The following B3GALNT2 variants were observed in gnomAD, a reference collection of about 807,000 sequenced individuals.
B3GALNT2 encodes the protein UDP-GalNAc:beta-1,3-N-acetylgalactosaminyltransferase 2.
Under a neutral mutation model 61.1 loss-of-function variants are expected in B3GALNT2, and 53 were observed. That is an observed-to-expected ratio of 0.87 (90% CI 0.70 to 1.09). The LOEUF (loss-of-function observed/expected upper bound fraction) is 1.09, where lower values mean the gene tolerates loss of function less well. B3GALNT2 is among the 50% of genes least tolerant of loss of function. The pLI is 0.00. For synonymous variants in B3GALNT2, 223 were observed against 237.4 expected, an observed-to-expected ratio of 0.94 and a Z score of 0.56; for missense variants, 544 against 623.0, an observed-to-expected ratio of 0.87 and a Z score of 1.35.
chr1:235,445,253 C>G (rs1193803078), downstream of B3GALNT2, among the ~76,000 whole-genome samples: 1 of 152,172 alleles, frequency 6.6e-6, no homozygotes, highest in African/African-American at 2.4e-5. Flanking sequence ...CACTCACTCA[C>G]TCATACAAAG....
chr1:235,442,271 A>C (rs1303291322), downstream of B3GALNT2, among the ~76,000 whole-genome samples: 1 of 152,156 alleles, frequency 6.6e-6, no homozygotes, highest in Non-Finnish European at 1.5e-5. Context: ...CCCGGGTTCA[A>C]GCGATTTTCG....
intron 7 of B3GALNT2, chr1:235,464,942 T>A (rs1410556008): frequency 6.6e-6 from 1 of 152,168 alleles, no homozygotes; most frequent in Admixed American, 6.5e-5. Context: ...TTGACAAGAA[T>A]ATGGAGAAAC....
intron 4 of B3GALNT2, among the ~76,000 whole-genome samples, chr1:235,483,057 GAAAC>G (rs1558432285): frequency 1.3e-5 from 2 of 152,000 alleles, no homozygotes. Context: ...TAGAGAAATA[GAAAC>G]AGTAAAAAAG....
At chr1:235,501,521 C>T (rs143116573) in intron 1 of B3GALNT2, among the ~76,000 whole-genome samples, 55 of 152,290 alleles carry the variant, frequency 3.6e-4, no homozygotes, top group African/African-American at 1.3e-3. Flanking sequence ...TTTCCTGATG[C>T]TCTGTCTTCC....
intron 6 of B3GALNT2, among the ~76,000 whole-genome samples, chr1:235,466,449 AACAT>A (rs1683702071): frequency 6.6e-6 from 1 of 152,070 alleles, no homozygotes; most frequent in South Asian, 2.1e-4. Context: ...TCTAGCCTTG[AACAT>A]ACAATCTTCC....
At chr1:235,480,984 T>C (rs291384) in intron 4 of B3GALNT2, among the ~76,000 whole-genome samples, 109,066 of 147,730 alleles carry the variant, frequency 0.74, 41,450 homozygotes, top group African/African-American at 0.93. Context: ...TTTCTTGGGT[T>C]CTCCCATTTC....
At chr1:235,496,443 T>C (rs1685326552) in intron 1 of B3GALNT2, 5 of 451,196 alleles carry the variant, frequency 1.1e-5, no homozygotes, top group Non-Finnish European at 1.5e-5. Flanking sequence ...TTTCATGGAT[T>C]AAGCTTATTA....
chr1:235,443,129 G>A (rs1682009838), downstream of B3GALNT2, among the ~76,000 whole-genome samples: 1 of 151,762 alleles, frequency 6.6e-6, no homozygotes, highest in African/African-American at 2.4e-5. Context: ...TCAGCTGAAA[G>A]CAGTTCTGTT....
intron 3 of B3GALNT2, among the ~76,000 whole-genome samples, chr1:235,486,449 T>C (rs1372967292): frequency 6.6e-6 from 1 of 152,218 alleles, no homozygotes; most frequent in African/African-American, 2.4e-5. Flanking sequence ...TCTAAAAGAA[T>C]TGTGCCTTGA....
chr1:235,487,836 T>C (rs1291509538), intron 3 of B3GALNT2, among the ~76,000 whole-genome samples: 1 of 152,144 alleles, frequency 6.6e-6, no homozygotes, highest in Non-Finnish European at 1.5e-5. Context: ...CAGGCTGGAG[T>C]GCAGTAGCGG....
At chr1:235,489,380 T>C in intron 2 of B3GALNT2, 112 bp from the exon 3 acceptor site, 1 of 1,465,032 alleles carries the variant, frequency 6.8e-7, no homozygotes, top group Non-Finnish European at 9.1e-7. Context: ...TTATGAGGAT[T>C]AATTCTCTAC....
chr1:235,455,462 C>A (rs1225914017), intron 9 of B3GALNT2, 97 bp downstream of exon 9: 6 of 1,342,372 alleles, frequency 4.5e-6, no homozygotes, highest in Middle Eastern at 2.2e-4. Flanking sequence ...AATTGTATAT[C>A]TCAACCACAT....
In B3GALNT2 at chr1:235,480,134, C is replaced by A; in HGVS notation, c.571G>T (p.Ala191Ser). The A allele has an allele frequency of 6.2e-7, 1 of 1,613,660 alleles. No homozygotes were observed. Residue 191 changes from alanine to serine, a missense_variant, in exon 5 of 12, where the codon GCT becomes TCT. By Grantham distance (99) the Ala-to-Ser change is moderately conservative. Transcript: ENST00000366600. ...QAEQEEALFI[A>S]RFSPPSCGVQ... ...CCACAGCTTGGAGGACTGAAGCGAG[C>A]AATGAAGAGGGCCTCCTACAAATTG...
In B3GALNT2 at chr1:235,450,082, G is replaced by T. The variant is rs1682798868; in HGVS notation, c.*124C>A. On this transcript the variant is annotated 3_prime_UTR_variant, in exon 12 of 12. Coordinates refer to ENST00000366600, the MANE Select transcript of B3GALNT2 (RefSeq NM_152490.5). ...AACACCGCATTGGTTCTGGGTGAAA[G>T]TGCCAGTCTGGAACTCTCTTGAAAG... 8.4e-7 allele frequency: 1 copy of T among 1,188,928 alleles called. No individual in the cohort carries two copies. The highest frequency in any genetic ancestry group is 2.1e-5 in the Admixed American group (1 of 47,838). The allele number at this position is 1,188,928 out of a possible 1,614,324, so 73.6% of individuals were successfully genotyped here.
intron 4 of B3GALNT2, 24 bp from the exon 5 acceptor site, chr1:235,480,173 A>AG: frequency 6.2e-7 from 1 of 1,612,452 alleles, no homozygotes; most frequent in Non-Finnish European, 8.5e-7. Flanking sequence ...GAAAAAGACA[A>AG]GAAAAAATAC....
At chr1:235,496,311 GAAAA>G in intron 1 of B3GALNT2, 15 of 752,810 alleles carry the variant, frequency 2.0e-5, no homozygotes, top group South Asian at 5.3e-5. Context: ...GACTCCACCT[GAAAA>G]AAAAAAAAAA....
At position 235,504,175 on chromosome 1, in the gene B3GALNT2, CG is replaced by C; in HGVS notation, c.77del (p.Pro26ArgfsTer29). 7.7e-7 allele frequency: 1 copy of C among 1,301,738 alleles called. No homozygotes were observed. Among genetic ancestry groups the C allele is most frequent in the Non-Finnish European group, 9.7e-7 (1 of 1,030,524 alleles). 80.6% of individuals were successfully genotyped at this position (1,301,738 alleles called of 1,614,324 possible). On this transcript the variant is annotated frameshift_variant, in exon 1 of 12. Coordinates refer to ENST00000366600, the MANE Select transcript of B3GALNT2 (RefSeq NM_152490.5). LOFTEE classifies it high-confidence loss of function. Reference sequence around the variant, plus strand: ...CGGCCCCGGAGGCGCAGGCGGGCGGCGGGGAGCGCAGCCGCAGCCAGAGGTG... The same window carrying C: ...CGGCCCCGGAGGCGCAGGCGGGCGGCGGGAGCGCAGCCGCAGCCAGAGGTG... ...ALHLWLRLRS[P>X]PPACASGAGP...
intron 5 of B3GALNT2, among the ~76,000 whole-genome samples, chr1:235,472,785 C>T (rs1324207037): frequency 2.0e-5 from 3 of 152,122 alleles, no homozygotes; most frequent in Admixed American, 2.0e-4. Flanking sequence ...AAGTACTTTA[C>T]AATAATGTCT....
At chr1:235,441,550 G>T in the B3GALNT2 span, 1 of 500,994 alleles carries the variant, frequency 2.0e-6, no homozygotes, top group Non-Finnish European at 3.6e-6. Flanking sequence ...TTCATTTGTT[G>T]TCTTTTGTTG....
Sources: allele counts gnomAD v4.1 joint callset (sites outside exome capture counted in the v4.1 genomes callset), GRCh38; gene constraint gnomAD v4.1.1; transcripts MANE v1.5; gene names NCBI Gene and HGNC (gene_info 2026-07-23, HGNC 2026-07-21).